TRPC4AP: variants seen among roughly 807,000 people sequenced by gnomAD.
TRPC4AP encodes transient receptor potential cation channel subfamily C member 4 associated protein, also known as short transient receptor potential channel 4-associated protein.
TRPC4AP carries 45 observed loss-of-function variants against 99.0 expected under a neutral mutation model. The observed-to-expected ratio is 0.45, with a 90% CI of 0.36 to 0.58. The LOEUF is 0.58. TRPC4AP is among the 20% of genes least tolerant of loss of function. The probability of loss-of-function intolerance (pLI) is 0.00; values close to 1 mark genes in which losing one functional copy is unlikely to be tolerated. For missense variants in TRPC4AP, 879 were observed against 985.3 expected (o/e 0.89, Z 1.44); for synonymous variants, 408 against 385.8 (o/e 1.06, Z -0.67).
chr20:35,016,584 A>C (rs1394115569), intron 9 of TRPC4AP, among the ~76,000 whole-genome samples: 1 of 152,222 alleles, frequency 6.6e-6, no homozygotes, highest in African/African-American at 2.4e-5. Context: ...GCTGAAAGTA[A>C]GATACAATTA....
intron 12 of TRPC4AP, among the ~76,000 whole-genome samples, chr20:35,009,007 A>G (rs571706434): frequency 1.3e-5 from 2 of 152,194 alleles, no homozygotes; most frequent in African/African-American, 2.4e-5. Context: ...ATGGCTTAGA[A>G]CTGCCAGAGG....
rs1163446519 is a variant in TRPC4AP, at chr20:35,021,479, C to T, written c.1052-123G>A. Reference sequence around the variant, plus strand: ...TCGGCTGGGCCATGAGCCCAAAACACAGACTCTGAAAGCTGCAAAACTCCC... The same window carrying T: ...TCGGCTGGGCCATGAGCCCAAAACATAGACTCTGAAAGCTGCAAAACTCCC... On this transcript the variant is annotated intron_variant, in intron 8 of 18. Transcript: ENST00000252015. 4.4e-6 allele frequency: 5 copies of T among 1,136,320 alleles called. No homozygotes were observed. The African/African-American group carries it at 4.7e-5, about 11-fold the overall frequency. The allele number at this position is 1,136,320 out of a possible 1,614,324, so 70.4% of individuals were successfully genotyped here.
intron 15 of TRPC4AP, 97 bp from the exon 16 acceptor site, chr20:35,005,900 T>G: frequency 9.7e-7 from 1 of 1,031,552 alleles, no homozygotes; most frequent in East Asian, 2.4e-5. Flanking sequence ...CAGCGACCTC[T>G]ACCAGCCCCA....
intron 3 of TRPC4AP, among the ~76,000 whole-genome samples, chr20:35,063,078 G>A (rs1044407424): frequency 5.3e-5 from 8 of 152,236 alleles, no homozygotes; most frequent in African/African-American, 1.9e-4. Context: ...GATCATGGAG[G>A]CAGGTCCCCC....
chr20:35,034,873 C>A (rs2083283622), intron 8 of TRPC4AP, among the ~76,000 whole-genome samples: 1 of 152,052 alleles, frequency 6.6e-6, no homozygotes, highest in Non-Finnish European at 1.5e-5. Context: ...CTTGTTAGTC[C>A]CTGAGACACA....
intron 5 of TRPC4AP, among the ~76,000 whole-genome samples, chr20:35,051,039 C>T (rs2083687435): frequency 6.7e-6 from 1 of 149,854 alleles, no homozygotes; most frequent in African/African-American, 2.5e-5. Flanking sequence ...AGCTTACACA[C>T]ACACACACAC....
At chr20:35,042,308 C>A (rs1600575755) in intron 7 of TRPC4AP, among the ~76,000 whole-genome samples, 1 of 152,090 alleles carries the variant, frequency 6.6e-6, no homozygotes, top group Non-Finnish European at 1.5e-5. Context: ...AAATTATATT[C>A]CCTAATAACC....
intron 7 of TRPC4AP, among the ~76,000 whole-genome samples, chr20:35,039,875 T>A (rs536774236): frequency 6.6e-6 from 1 of 151,672 alleles, no homozygotes; most frequent in East Asian, 2.0e-4. Flanking sequence ...CAAAAAATAA[T>A]GACTTACGCT....
intron 1 of TRPC4AP, among the ~76,000 whole-genome samples, chr20:35,091,038 A>G (rs1261656468): frequency 2.6e-5 from 4 of 151,800 alleles, no homozygotes; most frequent in Non-Finnish European, 1.5e-5. Context: ...GGAAAGAGCA[A>G]GTATTTCTAG....
At chr20:35,024,227 G>A (rs1331868728) in intron 8 of TRPC4AP, among the ~76,000 whole-genome samples, 1 of 151,256 alleles carries the variant, frequency 6.6e-6, no homozygotes, top group African/African-American at 2.4e-5. Flanking sequence ...GACATTCATA[G>A]AGTTGTGCAG....
intron 6 of TRPC4AP, among the ~76,000 whole-genome samples, chr20:35,045,514 G>A (rs1392389039): frequency 1.3e-5 from 2 of 152,000 alleles, no homozygotes; most frequent in Admixed American, 6.6e-5. Flanking sequence ...AGGACTACAG[G>A]TGCGTGTCAT....
At chr20:35,061,104 T>C (rs191029727) in intron 3 of TRPC4AP, among the ~76,000 whole-genome samples, 53 of 152,158 alleles carry the variant, frequency 3.5e-4, no homozygotes, top group South Asian at 2.1e-3. Context: ...AAGAATCCAC[T>C]CAAAAAAACT....
intron 1 of TRPC4AP, among the ~76,000 whole-genome samples, chr20:35,086,741 G>C (rs1013647741): frequency 7.2e-5 from 11 of 151,838 alleles, no homozygotes; most frequent in African/African-American, 2.7e-4. Flanking sequence ...TTTTTTAAAA[G>C]TTAGTGAATC....
rs375250941 is a variant in TRPC4AP at position 35,033,912 on chromosome 20, G to A, written c.1051+1211C>T. Among the ~76,000 whole-genome samples, 2 of 13,250 alleles carry A rather than the reference G, an allele frequency of 1.5e-4. 1 individual carries two copies. Among genetic ancestry groups the A allele is most frequent in the East Asian group, 5.9e-3 (2 of 338 alleles). 8.7% of individuals were successfully genotyped at this position (13,250 alleles called of 152,430 possible). ...TGTAATCCCAGCACTTTGGGAGGCC[G>A]AGGCGGGTGGATCATGAGGTCAGGA... On this transcript the variant is annotated intron_variant, in intron 8 of 18. Coordinates refer to ENST00000252015, the MANE Select transcript of TRPC4AP (RefSeq NM_015638.3).
chr20:35,018,567 C>A (rs1255867354), intron 9 of TRPC4AP, among the ~76,000 whole-genome samples: 2 of 140,462 alleles, frequency 1.4e-5, no homozygotes, highest in Non-Finnish European at 1.5e-5. Context: ...CTGCACCACT[C>A]CAGCCTGGGT....
rs758122930 is a variant in TRPC4AP, at chr20:35,055,051, G to A, written c.473-20C>T. ...CACTTACTGAAAGTGAAAGGGTAAT[G>A]ACTGGTTATTTTTCTCAATGAAAAG... On this transcript the variant is annotated intron_variant, in intron 4 of 18. Coordinates refer to ENST00000252015, the MANE Select transcript of TRPC4AP (RefSeq NM_015638.3). 1.9e-6 allele frequency: 3 copies of A among 1,610,112 alleles called. No individual in the cohort carries two copies. In the African/African-American group the frequency reaches 4.0e-5, roughly 22 times the overall value.
At chr20:35,076,717 C>T (rs1457545358) in intron 2 of TRPC4AP, among the ~76,000 whole-genome samples, 1 of 152,168 alleles carries the variant, frequency 6.6e-6, no homozygotes, top group Non-Finnish European at 1.5e-5. Flanking sequence ...GGTCAGGGAC[C>T]CACTTGAGGA....
intron 1 of TRPC4AP, 60 bp downstream of exon 1, chr20:35,092,554 G>A (rs2085103909): frequency 7.1e-7 from 1 of 1,402,352 alleles, no homozygotes; most frequent in Non-Finnish European, 9.2e-7. Flanking sequence ...CTCTTCCCCG[G>A]CCCCCCGCCA....
intron 9 of TRPC4AP, among the ~76,000 whole-genome samples, chr20:35,017,926 T>A (rs979825796): frequency 2.6e-5 from 4 of 152,194 alleles, no homozygotes; most frequent in African/African-American, 9.7e-5. Flanking sequence ...ATGACACCTG[T>A]TCTGCCACTC....
Sources: allele counts gnomAD v4.1 joint callset (sites outside exome capture counted in the v4.1 genomes callset), GRCh38; gene constraint gnomAD v4.1.1; transcripts MANE v1.5; gene names NCBI Gene and HGNC (gene_info 2026-07-23, HGNC 2026-07-21).